The following PTPRG variants were observed in gnomAD, a reference collection of about 807,000 sequenced individuals.
PTPRG encodes receptor-type tyrosine-protein phosphatase gamma.
PTPRG carries 102 observed loss-of-function variants against 165.3 expected under a neutral mutation model. The observed-to-expected ratio is 0.62, with a 90% CI of 0.53 to 0.73. PTPRG has a LOEUF of 0.73. Among genes scored for constraint, PTPRG ranks in the 30% least tolerant of loss-of-function variants. The probability of loss-of-function intolerance (pLI) is 0.00; values close to 1 mark genes in which losing one functional copy is unlikely to be tolerated. For synonymous variants in PTPRG, 675 were observed against 669.5 expected (o/e 1.01, Z -0.13); for missense variants, 1,866 against 1,861.4 (o/e 1.00, Z -0.05).
At chr3:62,064,444 T>TC (rs962050086) in intron 4 of PTPRG, among the ~76,000 whole-genome samples, 3 of 152,270 alleles carry the variant, frequency 2.0e-5, no homozygotes, top group African/African-American at 7.2e-5. Flanking sequence ...CTTGAACTCC[T>TC]GGTCTGAAGC....
chr3:62,060,461 G>A (rs1700771806), intron 4 of PTPRG, among the ~76,000 whole-genome samples: 1 of 152,210 alleles, frequency 6.6e-6, no homozygotes, highest in Non-Finnish European at 1.5e-5. Context: ...GGAGGAGCAA[G>A]AAGCGTTCTC....
At chr3:61,748,394 A>AC (rs1246672203) in intron 1 of PTPRG, among the ~76,000 whole-genome samples, 1 of 152,162 alleles carries the variant, frequency 6.6e-6, no homozygotes, top group Admixed American at 6.5e-5. Context: ...AGATAGAATG[A>AC]CCCTGGCTCT....
At chr3:61,582,526 T>C (rs540799030) in intron 1 of PTPRG, among the ~76,000 whole-genome samples, 3 of 152,256 alleles carry the variant, frequency 2.0e-5, no homozygotes, top group South Asian at 4.2e-4. Flanking sequence ...CGTAGCCTGA[T>C]AGGAACCCAG....
intron 17 of PTPRG, among the ~76,000 whole-genome samples, chr3:62,265,896 TACACACACACAC>T (rs143246257): frequency 6.1e-5 from 8 of 130,612 alleles, no homozygotes; most frequent in South Asian, 2.8e-4. Context: ...GTGCCTTATA[TACACACACACAC>T]ACACACACAC....
intron 6 of PTPRG, among the ~76,000 whole-genome samples, chr3:62,138,092 A>G (rs1703781618): frequency 6.6e-6 from 1 of 152,204 alleles, no homozygotes; most frequent in African/African-American, 2.4e-5. Context: ...TATGTTCATT[A>G]GCAGTTCCTG....
intron 1 of PTPRG, among the ~76,000 whole-genome samples, chr3:61,581,614 T>A (rs1416641363): frequency 6.9e-6 from 1 of 145,732 alleles, no homozygotes; most frequent in Admixed American, 6.8e-5. Context: ...TTTTTCTTTT[T>A]TTTTTTTTTT....
intron 2 of PTPRG, among the ~76,000 whole-genome samples, chr3:61,959,299 T>G (rs953049229): frequency 6.6e-6 from 1 of 152,126 alleles, no homozygotes; most frequent in Non-Finnish European, 1.5e-5. Flanking sequence ...CTCACCTGAT[T>G]TGGAGAACTA....
At chr3:61,873,064 A>G (rs1392254969) in intron 2 of PTPRG, among the ~76,000 whole-genome samples, 1 of 152,176 alleles carries the variant, frequency 6.6e-6, no homozygotes, top group African/African-American at 2.4e-5. Flanking sequence ...GCAGGAGTAA[A>G]TTGGTAGAAC....
At chr3:62,197,288 C>G (rs1486556026) in intron 10 of PTPRG, among the ~76,000 whole-genome samples, 1 of 152,120 alleles carries the variant, frequency 6.6e-6, no homozygotes, top group Admixed American at 6.6e-5. Flanking sequence ...TAAATCCCCC[C>G]CTTAGTATTA....
In PTPRG at chr3:61,590,226, A is replaced by AG. The variant is rs1203200820; in HGVS notation, c.85+27854_85+27855insG. Among the ~76,000 whole-genome samples, 97 of 151,814 alleles carry AG rather than the reference A, an allele frequency of 6.4e-4. 1 individual carries two copies. Among genetic ancestry groups the AG allele is most frequent in the African/African-American group, 2.2e-3 (92 of 41,400 alleles). On this transcript the variant is annotated intron_variant, in intron 1 of 29. Transcript: ENST00000474889. Reference sequence around the variant, plus strand: ...CATTTATTTTTTTCTTTAATCAAAAAAAAAAAAAAAATAGGCTGGGTGCGG... The same window carrying AG: ...CATTTATTTTTTTCTTTAATCAAAAAGAAAAAAAAAAATAGGCTGGGTGCGG...
chr3:61,651,227 C>T (rs550253751), intron 1 of PTPRG, among the ~76,000 whole-genome samples: 1 of 151,788 alleles, frequency 6.6e-6, no homozygotes, highest in South Asian at 2.1e-4. Flanking sequence ...ACTTAAGAGA[C>T]CATCTGGTAT....
chr3:61,791,557 G>A (rs763288835), intron 2 of PTPRG, among the ~76,000 whole-genome samples: 1 of 152,058 alleles, frequency 6.6e-6, no homozygotes, highest in Non-Finnish European at 1.5e-5. Flanking sequence ...GTGCTATCTC[G>A]GGTAACTGCA....
chr3:62,103,246 G>T (rs1217403194), intron 5 of PTPRG, among the ~76,000 whole-genome samples: 1 of 152,086 alleles, frequency 6.6e-6, no homozygotes, highest in South Asian at 2.1e-4. Flanking sequence ...CGGAAAGGAA[G>T]CCTGTCTTGT....
chr3:61,918,187 A>C (rs1209218789), intron 2 of PTPRG, among the ~76,000 whole-genome samples: 1 of 152,196 alleles, frequency 6.6e-6, no homozygotes, highest in Non-Finnish European at 1.5e-5. Context: ...TCAAAAAAAT[A>C]CTTGGATTGA....
At chr3:61,948,039 C>CT (rs1553695505) in intron 2 of PTPRG, among the ~76,000 whole-genome samples, 1 of 152,026 alleles carries the variant, frequency 6.6e-6, no homozygotes, top group Non-Finnish European at 1.5e-5. Flanking sequence ...GAAGGAAACT[C>CT]TAAGGCCAGG....
At chr3:61,890,604 A>G (rs961570228) in intron 2 of PTPRG, among the ~76,000 whole-genome samples, 4 of 152,064 alleles carry the variant, frequency 2.6e-5, no homozygotes, top group East Asian at 3.9e-4. Flanking sequence ...ACTACCTTCT[A>G]TCCATTTTTG....
Position 61,747,804 on chromosome 3 carries a change from C to T in PTPRG, c.86-1074C>T, listed in dbSNP as rs181720887. 5.9e-4 allele frequency among the ~76,000 whole-genome samples: 88 copies of T among 149,794 alleles called. 1 individual carries two copies. The highest frequency in any genetic ancestry group is 2.0e-3 in the African/African-American group (82 of 40,854). On this transcript the variant is annotated intron_variant, in intron 1 of 29. Coordinates refer to ENST00000474889, the MANE Select transcript of PTPRG (RefSeq NM_002841.4). ...AACTTTCTTAAATTTTTTTTTTTCT[C>T]TTTGAAAGCAGGCTTGCTTTTGTTT...
At chr3:61,719,123 A>G (rs1457910332) in intron 1 of PTPRG, among the ~76,000 whole-genome samples, 1 of 152,200 alleles carries the variant, frequency 6.6e-6, no homozygotes, top group Non-Finnish European at 1.5e-5. Flanking sequence ...AGGATTCCAG[A>G]CATGAGACAT....
intron 26 of PTPRG, among the ~76,000 whole-genome samples, chr3:62,278,704 G>C (rs1363838856): frequency 6.6e-6 from 1 of 152,004 alleles, no homozygotes; most frequent in African/African-American, 2.4e-5. Flanking sequence ...TTTTGCTCCA[G>C]CTTCAGGATA....
Sources: gnomAD v4.1 joint callset for allele counts (sites outside exome capture counted in the v4.1 genomes callset) on GRCh38, gnomAD v4.1.1 for gene constraint, MANE v1.5 for transcripts, NCBI Gene and HGNC (gene_info 2026-07-23, HGNC 2026-07-21) for gene names.